The following SMYD3 variants were observed in gnomAD, a reference collection of about 807,000 sequenced individuals.
The protein encoded by SMYD3 is histone-lysine N-methyltransferase SMYD3.
SMYD3 carries 36 observed loss-of-function variants against 57.7 expected under a neutral mutation model. The observed-to-expected ratio is 0.62, with a 90% CI of 0.48 to 0.82. The LOEUF (loss-of-function observed/expected upper bound fraction) is 0.82. SMYD3 is among the 40% of genes least tolerant of loss of function. SMYD3 has a pLI of 0.00. For synonymous variants in SMYD3, 211 were observed against 195.0 expected (o/e 1.08, Z -0.68); for missense variants, 515 against 538.8 (o/e 0.96, Z 0.44).
In SMYD3 at chr1:245,956,518, T is replaced by C. The variant is rs559412501; in HGVS notation, c.532-26581A>G. Among the ~76,000 whole-genome samples the C allele has an allele frequency of 1.3e-4, 20 of 152,332 alleles. No homozygotes were observed. In the South Asian group the frequency reaches 4.1e-3, roughly 32 times the overall value. ...GCGAGGCAGGCAGAGCATTATTTTT[T>C]ATGAGGTTAATTCCACCTGCTTACT... On this transcript the variant is annotated intron_variant, in intron 5 of 11. Transcript: ENST00000490107.
rs1349288448 is a variant in SMYD3 at position 246,462,243 on chromosome 1, TGCTGGGTACAGTGCATCCTCC to T, written c.164+44790_164+44810del. 1.1e-3 allele frequency among the ~76,000 whole-genome samples: 93 copies of T among 82,564 alleles called. 1 individual carries two copies. The highest frequency in any genetic ancestry group is 3.3e-3 in the East Asian group (6 of 1,804). The allele number at this position is 82,564 out of a possible 152,430, so 54.2% of individuals were successfully genotyped here. A position where few individuals can be genotyped will look rare whatever the true frequency, so the allele number is the denominator to read the frequency against. On this transcript the variant is annotated intron_variant, in intron 1 of 11. Transcript: ENST00000490107. ...GTACAGTGCATCCTCCCGCGGGGCC[TGCTGGGTACAGTGCATCCTCC>T]CGCGGGGCCTGCTGGGTACAGTGCA...
chr1:245,997,615 G>T (rs2058957209), intron 5 of SMYD3, among the ~76,000 whole-genome samples: 1 of 152,186 alleles, frequency 6.6e-6, no homozygotes, highest in Admixed American at 6.5e-5. Context: ...GCAGTGCTGT[G>T]CAGGAAAGGA....
rs544930258 is a variant in SMYD3 at position 246,468,681 on chromosome 1, A to C, written c.164+38373T>G. Among the ~76,000 whole-genome samples, 5 of 152,174 alleles carry C rather than the reference A, an allele frequency of 3.3e-5. No individual in the cohort carries two copies. In the South Asian group the frequency reaches 1.0e-3, roughly 32 times the overall value. On this transcript the variant is annotated intron_variant, in intron 1 of 11. Coordinates refer to ENST00000490107, the MANE Select transcript of SMYD3 (RefSeq NM_001167740.2). ...AAATTAATAACAATAATAATAACAA[A>C]TAAAAATTAACAGGGCTGGGTGTGG...
chr1:246,505,864 GAACT>G (rs2068529502), intron 1 of SMYD3, among the ~76,000 whole-genome samples: 1 of 152,118 alleles, frequency 6.6e-6, no homozygotes, highest in South Asian at 2.1e-4. Flanking sequence ...TCTGTTCCAA[GAACT>G]ATCTTGAAAG....
At chr1:246,497,291 T>C (rs1166450306) in intron 1 of SMYD3, among the ~76,000 whole-genome samples, 3 of 152,180 alleles carry the variant, frequency 2.0e-5, no homozygotes, top group Admixed American at 6.5e-5. Flanking sequence ...CATTAGTGAG[T>C]TTTATATAGA....
chr1:246,449,350 C>A (rs536723628), intron 1 of SMYD3, among the ~76,000 whole-genome samples: 2 of 152,194 alleles, frequency 1.3e-5, no homozygotes, highest in Admixed American at 1.3e-4. Flanking sequence ...GAATAAGTAG[C>A]CTTTGATTGT....
chr1:246,049,979 G>A (rs1476538366), intron 5 of SMYD3, among the ~76,000 whole-genome samples: 1 of 152,050 alleles, frequency 6.6e-6, no homozygotes, highest in Non-Finnish European at 1.5e-5. Flanking sequence ...GTAAACAGAA[G>A]TTGACTATAA....
At chr1:245,760,571 G>A (rs894815399) in intron 11 of SMYD3, among the ~76,000 whole-genome samples, 4 of 152,104 alleles carry the variant, frequency 2.6e-5, no homozygotes, top group Non-Finnish European at 4.4e-5. Flanking sequence ...CCCAGGGGGA[G>A]GCTTTTAAAG....
intron 8 of SMYD3, among the ~76,000 whole-genome samples, chr1:245,902,409 G>T (rs112920281): frequency 5.9e-5 from 9 of 152,326 alleles, no homozygotes; most frequent in African/African-American, 1.9e-4. Context: ...GCTCTCTGGG[G>T]CACAATGTCC....
At chr1:246,339,628 C>G (rs112534726) in intron 2 of SMYD3, among the ~76,000 whole-genome samples, 1 of 152,122 alleles carries the variant, frequency 6.6e-6, no homozygotes, top group Non-Finnish European at 1.5e-5. Context: ...CTGACACTAC[C>G]CATGAGACAG....
intron 8 of SMYD3, among the ~76,000 whole-genome samples, chr1:245,893,916 T>C (rs956341724): frequency 1.3e-5 from 2 of 152,178 alleles, no homozygotes; most frequent in African/African-American, 4.8e-5. Flanking sequence ...AGAAACAGCA[T>C]AGTGAAGAGG....
At chr1:246,122,311 C>T (rs983553663) in intron 5 of SMYD3, among the ~76,000 whole-genome samples, 34 of 152,058 alleles carry the variant, frequency 2.2e-4, no homozygotes, top group African/African-American at 7.0e-4. Flanking sequence ...ACTCAGGAGG[C>T]GGGGGCAGGA....
rs535462144 is a variant in SMYD3, at chr1:245,925,341, T to C, written c.702+2590A>G. 3.9e-5 allele frequency among the ~76,000 whole-genome samples: 6 copies of C among 152,344 alleles called. No homozygotes were observed. The South Asian group carries it at 8.3e-4, about 21-fold the overall frequency. Reference sequence around the variant, plus strand: ...CTCATGTATTTACCATTTTTGTATGTTGGGAACACAAAATGTCTAGATTTA... The same window carrying C: ...CTCATGTATTTACCATTTTTGTATGCTGGGAACACAAAATGTCTAGATTTA... On this transcript the variant is annotated intron_variant, in intron 7 of 11. Coordinates refer to ENST00000490107, the MANE Select transcript of SMYD3 (RefSeq NM_001167740.2).
intron 1 of SMYD3, among the ~76,000 whole-genome samples, chr1:246,424,027 A>C (rs1330346882): frequency 1.3e-5 from 2 of 152,250 alleles, no homozygotes; most frequent in Non-Finnish European, 2.9e-5. Context: ...GGGTACCAGC[A>C]GACCTAAAGC....
intron 7 of SMYD3, among the ~76,000 whole-genome samples, chr1:245,920,296 G>C (rs144665587): frequency 0.071 from 9,311 of 131,994 alleles, 624 homozygotes; most frequent in African/African-American, 0.19. Context: ...CTGGGCGACA[G>C]AGCGAGACTC....
chr1:246,127,462 T>A (rs2061526059), intron 5 of SMYD3, among the ~76,000 whole-genome samples: 1 of 152,182 alleles, frequency 6.6e-6, no homozygotes, highest in South Asian at 2.1e-4. Context: ...TGTAGAAGAA[T>A]TCTGTATTTT....
Position 245,913,884 on chromosome 1 carries a change from G to A in SMYD3, c.813+1646C>T, listed in dbSNP as rs184731815. On this transcript the variant is annotated intron_variant, in intron 8 of 11. Coordinates refer to ENST00000490107, the MANE Select transcript of SMYD3 (RefSeq NM_001167740.2). ...TAAAAATGCTTATCAGCAACCATCA[G>A]GAAAATGCAAATCAAAACCAAAATG... is the stretch of plus-strand genomic sequence containing the variant. 2.6e-5 allele frequency among the ~76,000 whole-genome samples: 4 copies of A among 152,134 alleles called. No individual in the cohort carries two copies. In the East Asian group the frequency reaches 7.7e-4, roughly 29 times the overall value.
intron 5 of SMYD3, among the ~76,000 whole-genome samples, chr1:246,280,409 A>C (rs1422250656): frequency 6.6e-6 from 1 of 152,188 alleles, no homozygotes; most frequent in East Asian, 1.9e-4. Context: ...CTGCCATGCG[A>C]CAGAAAAGAG....
intron 5 of SMYD3, among the ~76,000 whole-genome samples, chr1:246,007,628 G>A (rs926368820): frequency 6.0e-5 from 9 of 150,266 alleles, no homozygotes; most frequent in East Asian, 1.9e-4. Flanking sequence ...TGGGCAACAC[G>A]GCGAAACCCC....
Sources: gnomAD v4.1 joint callset for allele counts (sites outside exome capture counted in the v4.1 genomes callset) on GRCh38, gnomAD v4.1.1 for gene constraint, MANE v1.5 for transcripts, NCBI Gene and HGNC (gene_info 2026-07-23, HGNC 2026-07-21) for gene names.